Variants in PRPF4 observed in about 807,000 individuals in gnomAD.
PRPF4 encodes pre-mRNA splicing tri-snRNP complex factor PRPF4.
In PRPF4, 14 loss-of-function variants were observed where a neutral mutation model predicts 72.2. The observed-to-expected ratio is 0.19, with a 90% confidence interval of 0.13 to 0.30. The LOEUF is 0.30. Ranked by LOEUF, PRPF4 falls within the 10% of genes least tolerant of loss-of-function variation. The probability of loss-of-function intolerance (pLI) is 1.00; values close to 1 mark genes in which losing one functional copy is unlikely to be tolerated. For missense variants in PRPF4, 478 were observed against 653.9 expected (o/e 0.73, Z 2.93); for synonymous variants, 225 against 232.2 (o/e 0.97, Z 0.28).
At chr9:113,283,232 A>AAGAAAGAAG in intron 5 of PRPF4, 21 bp downstream of exon 5, 1 of 1,614,166 alleles carries the variant, frequency 6.2e-7, no homozygotes, top group Non-Finnish European at 8.5e-7. Context: ...CCTCCAGTAG[A>AAGAAAGAAG]AGAAAGAAGC....
chr9:113,284,578 G>A (rs140136678), intron 7 of PRPF4, among the ~76,000 whole-genome samples, 189 bp downstream of exon 7: 3 of 152,210 alleles, frequency 2.0e-5, no homozygotes, highest in East Asian at 3.9e-4. Flanking sequence ...AGCCGTTCTC[G>A]CTCTTCACCA....
At chr9:113,282,551 T>A (rs370485446) in intron 3 of PRPF4, 95 bp from the exon 4 acceptor site, 1 of 955,084 alleles carries the variant, frequency 1.0e-6, no homozygotes, top group African/African-American at 1.7e-5. Context: ...AGGGGAACTT[T>A]AATAACAGTG....
At chr9:113,287,808 T>C (rs117665288) in intron 9 of PRPF4, among the ~76,000 whole-genome samples, 3,067 of 152,356 alleles carry the variant, frequency 0.02, 54 homozygotes, top group Non-Finnish European at 0.031. Context: ...TTTTGGTGGT[T>C]GCTGGGTAGC....
rs557213116 is a variant in PRPF4, at chr9:113,292,745, C to T, written c.*1085C>T. ...TCTTGGCTGTTTAAAGGATGTACTTCGTGTATTAAAGGGTACTTTATGTTG... is the reference window on the plus strand; with the variant it reads ...TCTTGGCTGTTTAAAGGATGTACTTTGTGTATTAAAGGGTACTTTATGTTG... On this transcript the variant is annotated 3_prime_UTR_variant, in exon 14 of 14. Transcript: ENST00000374198. 2.0e-5 allele frequency: 3 copies of T among 152,194 alleles called. No individual in the cohort carries two copies. Among genetic ancestry groups the T allele is most frequent in the Non-Finnish European group, 2.9e-5 (2 of 68,020 alleles). 9.4% of individuals were successfully genotyped at this position (152,194 alleles called of 1,614,324 possible).
intron 7 of PRPF4, 60 bp downstream of exon 7, chr9:113,284,449 T>G (rs1054313967): frequency 3.5e-6 from 5 of 1,410,422 alleles, no homozygotes; most frequent in Non-Finnish European, 3.0e-6. Flanking sequence ...AGGAAGAAAA[T>G]TAGCATTTGC....
intron 3 of PRPF4, 46 bp downstream of exon 3, chr9:113,279,177 G>A (rs747250506): frequency 6.6e-7 from 1 of 1,522,858 alleles, no homozygotes; most frequent in Non-Finnish European, 8.9e-7. Context: ...ATAATCACAG[G>A]GTTCTACTCC....
At chr9:113,275,791 G>A (rs1832072041) in intron 1 of PRPF4, 21 bp downstream of exon 1, 2 of 1,610,548 alleles carry the variant, frequency 1.2e-6, no homozygotes, top group South Asian at 2.2e-5. Context: ...CGGGATCCCA[G>A]CTCACTCTGG....
intron 1 of PRPF4, 101 bp downstream of exon 1, chr9:113,275,871 G>A (rs1457199939): frequency 1.3e-6 from 2 of 1,489,322 alleles, no homozygotes; most frequent in Admixed American, 3.9e-5. Flanking sequence ...AGGCGGTGGA[G>A]GGCTGAGGAG....
chr9:113,290,018 G>A (rs757292857), intron 10 of PRPF4, among the ~76,000 whole-genome samples: 2 of 152,064 alleles, frequency 1.3e-5, no homozygotes, highest in Non-Finnish European at 2.9e-5. Context: ...TCAGGAGTTC[G>A]AGACCAGCCT....
At chr9:113,281,184 G>A (rs1043606064) in intron 3 of PRPF4, among the ~76,000 whole-genome samples, 4 of 152,028 alleles carry the variant, frequency 2.6e-5, no homozygotes, top group Admixed American at 6.6e-5. Context: ...TTATTAACCT[G>A]GATCCCTGTC....
At chr9:113,275,943 G>C (rs1343496789) in intron 1 of PRPF4, among the ~76,000 whole-genome samples, 173 bp downstream of exon 1, 1 of 152,208 alleles carries the variant, frequency 6.6e-6, no homozygotes, top group Non-Finnish European at 1.5e-5. Flanking sequence ...ATCCCTAAGC[G>C]CTTTCGTGGA....
chr9:113,276,663 GGATTTT>G lies in PRPF4; in HGVS notation c.145_150del (p.Ile49_Leu50del). 6.2e-7 allele frequency: 1 copy of G among 1,614,044 alleles called. No homozygotes were observed. On this transcript the variant is annotated inframe_deletion, in exon 2 of 14. Transcript: ENST00000374198. ...GAGCGTCTGGCCAAAGGAGAGTCTG[GGATTTT>G]GGGGAAAGACGGACTTAAAGCAGGG...
chr9:113,275,882 GA>G, intron 1 of PRPF4, 112 bp downstream of exon 1: 1 of 1,431,892 alleles, frequency 7.0e-7, no homozygotes. Flanking sequence ...GGCTGAGGAG[GA>G]AGGCTGCGGG....
At position 113,291,543 on chromosome 9, in the gene PRPF4, G is replaced by A. The variant is rs61737726; in HGVS notation, c.1449G>A (p.Pro483=). The A allele has an allele frequency of 1.4e-4, 233 of 1,613,962 alleles. 1 individual carries two copies. Among genetic ancestry groups the A allele is most frequent in the Non-Finnish European group, 1.9e-4 (221 of 1,180,010 alleles). The stretch of plus-strand genomic sequence containing the variant: ...TCTGGACGCACCCAGGCTGGTCCCC[G>A]CTGAAGACTCTGGCTGGCCACGAAG... ...AKIWTHPGWS[P]LKTLAGHEGK... The change falls in exon 14 of 14, where the codon CCG becomes CCA. Residue 483 remains proline (P), a synonymous_variant. Coordinates refer to ENST00000374198, the MANE Select transcript of PRPF4 (RefSeq NM_001244926.2).
At chr9:113,279,190 A>G in intron 3 of PRPF4, 59 bp downstream of exon 3, 2 of 1,465,944 alleles carry the variant, frequency 1.4e-6, no homozygotes, top group Non-Finnish European at 1.8e-6. Context: ...TCTACTCCAA[A>G]TTTTGGTTGA....
chr9:113,288,047 A>G (rs778642202), intron 9 of PRPF4, 128 bp from the exon 10 acceptor site: 2 of 763,420 alleles, frequency 2.6e-6, no homozygotes, highest in Non-Finnish European at 4.2e-6. Flanking sequence ...GGGCCAAAGT[A>G]GTTTACAAGT....
At chr9:113,288,599 G>C (rs1382469726) in intron 10 of PRPF4, among the ~76,000 whole-genome samples, 1 of 152,048 alleles carries the variant, frequency 6.6e-6, no homozygotes, top group Non-Finnish European at 1.5e-5. Context: ...ACCATGCCCA[G>C]CTAATTTTTT....
In PRPF4 at chr9:113,291,003, T is replaced by C; in HGVS notation, c.1359T>C (p.Gly453=). ...CTGCTCATCAGAACTTAGTGACTGGTGTCAAGTTTGAGCGTAAGCTTTCCT... is the reference window on the plus strand; with the variant it reads ...CTGCTCATCAGAACTTAGTGACTGGCGTCAAGTTTGAGCGTAAGCTTTCCT... ...TIPAHQNLVT[G]VKFEPIHGNF... Residue 453 remains glycine, a synonymous_variant, in exon 13 of 14, where the codon GGT becomes GGC. Coordinates refer to ENST00000374198, the MANE Select transcript of PRPF4 (RefSeq NM_001244926.2). 1 of 1,613,548 alleles carries C rather than the reference T, an allele frequency of 6.2e-7. No individual in the cohort carries two copies. Among genetic ancestry groups the C allele is most frequent in the Non-Finnish European group, 8.5e-7 (1 of 1,179,412 alleles).
chr9:113,291,441 G>A, intron 13 of PRPF4, 26 bp from the exon 14 acceptor site: 1 of 1,581,126 alleles, frequency 6.3e-7, no homozygotes, highest in Non-Finnish European at 8.7e-7. Context: ...AATTCCTCAA[G>A]CAATTCCCCT....
Sources: allele counts gnomAD v4.1 joint callset (sites outside exome capture counted in the v4.1 genomes callset), GRCh38; gene constraint gnomAD v4.1.1; transcripts MANE v1.5; gene names NCBI Gene and HGNC (gene_info 2026-07-23, HGNC 2026-07-21).